The following ZNF525 variants were observed in gnomAD, a reference collection of about 807,000 sequenced individuals.
ZNF525 encodes zinc finger protein 525.
ZNF525 carries 33 observed loss-of-function variants against 37.6 expected under a neutral mutation model. The observed-to-expected ratio is 0.88, with a 90% CI of 0.67 to 1.17. The LOEUF is 1.17. Ranked by LOEUF, ZNF525 falls within the 50% of genes most tolerant of loss-of-function variation. The pLI is 0.00. For missense variants in ZNF525, 449 were observed against 543.1 expected (o/e 0.83, Z 1.72); for synonymous variants, 170 against 182.3 (o/e 0.93, Z 0.54).
Position 53,382,498 on chromosome 19 carries a change from G to GT in ZNF525, c.*480dup, listed in dbSNP as rs2085574375. Reference sequence around the variant, plus strand: ...AATAAATCTTATAAGTGTAATGAGTGTGGCAAGACCTTCAGTAAGGAGTTA... The same window carrying GT: ...AATAAATCTTATAAGTGTAATGAGTGTTGGCAAGACCTTCAGTAAGGAGTTA... On this transcript the variant is annotated 3_prime_UTR_variant, in exon 4 of 4. Transcript: ENST00000474037. The GT allele has an allele frequency of 2.9e-6, 2 of 698,130 alleles. No individual in the cohort carries two copies. Among genetic ancestry groups the GT allele is most frequent in the Admixed American group, 3.7e-5 (2 of 54,142 alleles). 43.2% of individuals were successfully genotyped at this position (698,130 alleles called of 1,614,324 possible).
intron 1 of ZNF525, among the ~76,000 whole-genome samples, chr19:53,370,430 AAG>A (rs1439129487): frequency 1.6e-5 from 2 of 126,718 alleles, no homozygotes; most frequent in Admixed American, 8.4e-5. Flanking sequence ...AAAAAAAAAA[AAG>A]AACAGGCACA....
At position 53,383,636 on chromosome 19, in the gene ZNF525, G is replaced by A. The variant is rs1321868884; in HGVS notation, c.*1617G>A. The A allele has an allele frequency of 6.8e-6, 8 of 1,175,116 alleles. No individual in the cohort carries two copies. Among genetic ancestry groups the A allele is most frequent in the Non-Finnish European group, 9.5e-6 (8 of 841,274 alleles). The allele number at this position is 1,175,116 out of a possible 1,614,324, so 72.8% of individuals were successfully genotyped here. A position where few individuals can be genotyped will look rare whatever the true frequency, so the allele number is the denominator to read the frequency against. ...TATTCACCATCAGGCAATCCGTAGT[G>A]TAGGGAAACTTGACTAACGTAATGA... On this transcript the variant is annotated 3_prime_UTR_variant, in exon 4 of 4. Coordinates refer to ENST00000474037, the MANE Select transcript of ZNF525 (RefSeq NM_001348156.2).
intron 3 of ZNF525, chr19:53,376,169 A>G (rs2085520668): frequency 4.9e-6 from 4 of 811,864 alleles, no homozygotes; most frequent in Middle Eastern, 4.4e-4. Flanking sequence ...GTTGGTCTTG[A>G]TCTCCTGGGC....
At chr19:53,374,623 T>A (rs914370549) in intron 2 of ZNF525, among the ~76,000 whole-genome samples, 1 of 152,242 alleles carries the variant, frequency 6.6e-6, no homozygotes, top group South Asian at 2.1e-4. Flanking sequence ...TCTTCAGTTA[T>A]ACAAAACTTG....
At position 53,381,142 on chromosome 19, in the gene ZNF525, T is replaced by C; in HGVS notation, c.563T>C (p.Ile188Thr). Reference sequence around the variant, plus strand: ...ATTTCTTGTAGGCCCAAAACCCATATATCTAATAACTATGGGGATAATTTT... The same window carrying C: ...ATTTCTTGTAGGCCCAAAACCCATACATCTAATAACTATGGGGATAATTTT... Reference protein sequence around the residue: ...QRISCRPKTHISNNYGDNFLN... With the variant: ...QRISCRPKTHTSNNYGDNFLN... Residue 188 changes from isoleucine to threonine, a missense_variant, in exon 4 of 4, where the codon ATA (isoleucine) becomes ACA (threonine). Around this residue, in one of 2 missense-constraint regions of ZNF525, gnomAD observed 271 missense variants for 381.6 expected, o/e 0.71. Transcript: ENST00000474037. The C allele has an allele frequency of 1.4e-6, 2 of 1,389,854 alleles. No individual in the cohort carries two copies. The highest frequency in any genetic ancestry group is 2.0e-6 in the Non-Finnish European group (2 of 975,936). The allele number at this position is 1,389,854 out of a possible 1,614,324, so 86.1% of individuals were successfully genotyped here.
intron 1 of ZNF525, among the ~76,000 whole-genome samples, chr19:53,368,807 G>A (rs28853973): frequency 0.15 from 23,469 of 152,020 alleles, 2,086 homozygotes; most frequent in East Asian, 0.42. Context: ...CGGTCCACAC[G>A]GGTAAGTCTG....
chr19:53,383,701 T>G lies in ZNF525; in HGVS notation c.*1682T>G. The stretch of plus-strand genomic sequence containing the variant: ...TCAGTAATGCTACAACCATTGTAAA[T>G]CACTGGAGAAGCCATAATGAAGAGA... On this transcript the variant is annotated 3_prime_UTR_variant, in exon 4 of 4. Coordinates refer to ENST00000474037, the MANE Select transcript of ZNF525 (RefSeq NM_001348156.2). 1 of 672,416 alleles carries G rather than the reference T, an allele frequency of 1.5e-6. No homozygotes were observed. Among genetic ancestry groups the G allele is most frequent in the Admixed American group, 2.4e-5 (1 of 41,720 alleles). The allele number at this position is 672,416 out of a possible 1,614,324, so 41.7% of individuals were successfully genotyped here.
rs775472556 is a variant in ZNF525, at chr19:53,383,509, C to T, written c.*1490C>T. 4.7e-5 allele frequency: 56 copies of T among 1,179,154 alleles called. No homozygotes were observed. Among genetic ancestry groups the T allele is most frequent in the Non-Finnish European group, 6.5e-5 (54 of 826,926 alleles). 73.0% of individuals were successfully genotyped at this position (1,179,154 alleles called of 1,614,324 possible). On this transcript the variant is annotated 3_prime_UTR_variant, in exon 4 of 4. Coordinates refer to ENST00000474037, the MANE Select transcript of ZNF525 (RefSeq NM_001348156.2). Reference sequence around the variant, plus strand: ...ATGTAAGAGTTTTTGACAAGGCTTTCGGACGTGATTCACACCTGGCACAAC... The same window carrying T: ...ATGTAAGAGTTTTTGACAAGGCTTTTGGACGTGATTCACACCTGGCACAAC...
At position 53,366,656 on chromosome 19, in the gene ZNF525, G is replaced by A. The variant is rs553305391; in HGVS notation, c.-68+897G>A. Among the ~76,000 whole-genome samples the A allele has an allele frequency of 7.9e-5, 12 of 151,948 alleles. No homozygotes were observed. The South Asian group carries it at 2.3e-3, about 29-fold the overall frequency. ...AGGTAGGGAGAGGGACAGCAAAGAGGGAGGCTCATCAGGGTGAGGGAGAGG... is the reference window on the plus strand; with the variant it reads ...AGGTAGGGAGAGGGACAGCAAAGAGAGAGGCTCATCAGGGTGAGGGAGAGG... On this transcript the variant is annotated intron_variant, in intron 1 of 3. Coordinates refer to ENST00000474037, the MANE Select transcript of ZNF525 (RefSeq NM_001348156.2).
Position 53,381,038 on chromosome 19 carries a change from A to G in ZNF525, c.459A>G (p.Ile153Met). 1 of 1,554,092 alleles carries G rather than the reference A, an allele frequency of 6.4e-7. No individual in the cohort carries two copies. The highest frequency in any genetic ancestry group is 1.1e-5 in the South Asian group (1 of 89,804). ...SFHSHLSELH[I>M]FQPKGKINNQ... is the part of the protein sequence containing the mutation. ...ATTCACATCTGTCTGAACTCCACAT[A>G]TTTCAGCCCAAAGGGAAAATTAATA... Residue 153 changes from isoleucine to methionine, a missense_variant, in exon 4 of 4, where the codon ATA (isoleucine) becomes ATG (methionine). Physicochemically the swap from Ile to Met is conservative, Grantham distance 10. Coordinates refer to ENST00000474037, the MANE Select transcript of ZNF525 (RefSeq NM_001348156.2).
chr19:53,374,582 A>G (rs1202184016), intron 2 of ZNF525, among the ~76,000 whole-genome samples: 1 of 152,208 alleles, frequency 6.6e-6, no homozygotes, highest in Non-Finnish European at 1.5e-5. Flanking sequence ...CCCAACCGCC[A>G]AAGTGTCCTT....
intron 2 of ZNF525, 56 bp from the exon 3 acceptor site, chr19:53,375,714 T>G (rs1021556063): frequency 1.2e-6 from 2 of 1,613,532 alleles, no homozygotes; most frequent in Admixed American, 1.7e-5. Context: ...TCTCATTTTC[T>G]GTAAAGATAA....
rs1206056809 is a variant in ZNF525, at chr19:53,384,483, T to G, written c.*2464T>G. Reference sequence around the variant, plus strand: ...TGTTTTTAATCATTTTGATCAATTTTTGTTGATTTCAAGGTACAAACGTCT... The same window carrying G: ...TGTTTTTAATCATTTTGATCAATTTGTGTTGATTTCAAGGTACAAACGTCT... On this transcript the variant is annotated 3_prime_UTR_variant, in exon 4 of 4. Coordinates refer to ENST00000474037, the MANE Select transcript of ZNF525 (RefSeq NM_001348156.2). The G allele has an allele frequency of 6.4e-6, 1 of 155,826 alleles. No homozygotes were observed. The highest frequency in any genetic ancestry group is 1.4e-5 in the Non-Finnish European group (1 of 69,614). The allele number at this position is 155,826 out of a possible 1,614,324, so 9.7% of individuals were successfully genotyped here. A position where few individuals can be genotyped will look rare whatever the true frequency, so the allele number is the denominator to read the frequency against.
In ZNF525 at chr19:53,386,531, T is replaced by TA. The variant is rs2147078455; in HGVS notation, c.*4515dup. On this transcript the variant is annotated 3_prime_UTR_variant, in exon 4 of 4. Coordinates refer to ENST00000474037, the MANE Select transcript of ZNF525 (RefSeq NM_001348156.2). The stretch of plus-strand genomic sequence containing the variant: ...ATGTTTTTTCTCTGTAAATTTGTTA[T>TA]AAACGCATTGGTTGGCTGTGTTCAG... 1.9e-6 allele frequency: 1 copy of TA among 534,588 alleles called. No individual in the cohort carries two copies. Among genetic ancestry groups the TA allele is most frequent in the Non-Finnish European group, 3.4e-6 (1 of 292,624 alleles). The allele number at this position is 534,588 out of a possible 1,614,324, so 33.1% of individuals were successfully genotyped here.
Position 53,380,715 on chromosome 19 carries a change from T to A in ZNF525, c.143-7T>A, listed in dbSNP as rs781518339. 2.7e-6 allele frequency: 3 copies of A among 1,124,032 alleles called. No homozygotes were observed. The South Asian group carries it at 4.1e-5, about 15-fold the overall frequency. The allele number at this position is 1,124,032 out of a possible 1,614,324, so 69.6% of individuals were successfully genotyped here. ...TTTGTGTACCTATTAGTGTTTATATTTTGTAGGTATCTCTTCCAAATGCAC... is the reference window on the plus strand; with the variant it reads ...TTTGTGTACCTATTAGTGTTTATATATTGTAGGTATCTCTTCCAAATGCAC... On this transcript the variant is annotated splice_region_variant and splice_polypyrimidine_tract_variant and intron_variant, in intron 3 of 3. Coordinates refer to ENST00000474037, the MANE Select transcript of ZNF525 (RefSeq NM_001348156.2).
intron 1 of ZNF525, among the ~76,000 whole-genome samples, chr19:53,366,070 A>G (rs1393579025): frequency 5.5e-4 from 84 of 152,234 alleles, no homozygotes; most frequent in Non-Finnish European, 1.3e-4. Flanking sequence ...CCGAGAGGTG[A>G]ATTCCCGCCC....
chr19:53,371,252 G>A (rs1275008317), intron 1 of ZNF525, among the ~76,000 whole-genome samples: 2 of 147,020 alleles, frequency 1.4e-5, no homozygotes, highest in Non-Finnish European at 3.0e-5. Flanking sequence ...GGCTGTGAGT[G>A]CAGTCTCATG....
intron 1 of ZNF525, among the ~76,000 whole-genome samples, chr19:53,367,716 G>A (rs10422895): frequency 0.91 from 137,995 of 152,214 alleles, 62,901 homozygotes; most frequent in African/African-American, 0.97. Flanking sequence ...CAGCCTTCCT[G>A]TTGTCATTGA....
chr19:53,381,377 T>C lies in ZNF525; in HGVS notation c.798T>C (p.Thr266=), dbSNP rs1307651912. The C allele has an allele frequency of 6.3e-7, 1 of 1,596,594 alleles. No homozygotes were observed. Among genetic ancestry groups the C allele is most frequent in the Non-Finnish European group, 8.6e-7 (1 of 1,164,040 alleles). Residue 266 remains threonine (T), a synonymous_variant, in exon 4 of 4, where the codon ACT becomes ACC. Coordinates refer to ENST00000474037, the MANE Select transcript of ZNF525 (RefSeq NM_001348156.2). ...TTGCACGCCATCGTAGATGTCACAC[T>C]GGTGAGAAACCTTACAAGTGTAATG... ...RYLARHRRCH[T]GEKPYKCNEC... is the part of the protein sequence containing the mutation.
Sources: allele counts gnomAD v4.1 joint callset (sites outside exome capture counted in the v4.1 genomes callset), GRCh38; gene constraint gnomAD v4.1.1; regional missense constraint gnomAD v4.1.1; transcripts MANE v1.5; gene names NCBI Gene and HGNC (gene_info 2026-07-23, HGNC 2026-07-21).